PCDHGA1: variants seen among roughly 807,000 people sequenced by gnomAD.
PCDHGA1 encodes protocadherin gamma subfamily A, 1, also known as protocadherin gamma-A1.
PCDHGA1 carries 32 observed loss-of-function variants against 58.0 expected under a neutral mutation model. That is an observed-to-expected ratio of 0.55 (90% confidence interval 0.42 to 0.74). The LOEUF (loss-of-function observed/expected upper bound fraction) is 0.74, where lower values mean the gene tolerates loss of function less well. PCDHGA1 is among the 30% of genes least tolerant of loss of function. The probability of loss-of-function intolerance (pLI) is 0.00; values close to 1 mark genes in which losing one functional copy is unlikely to be tolerated. For missense variants in PCDHGA1, 1,205 were observed against 1,182.3 expected, an observed-to-expected ratio of 1.02 and a Z score of -0.28; for synonymous variants, 498 against 501.1, an observed-to-expected ratio of 0.99 and a Z score of 0.08.
chr5:141,335,572 A>G (rs1379770211), intron 1 of PCDHGA1, among the ~76,000 whole-genome samples: 2 of 152,312 alleles, frequency 1.3e-5, no homozygotes, highest in Admixed American at 1.3e-4. Flanking sequence ...ACCCCACAGG[A>G]AGAAAGTTAG....
Position 141,477,160 on chromosome 5 carries a change from C to A in PCDHGA1, c.2422-17647C>A, listed in dbSNP as rs768436526. The A allele has an allele frequency of 1.9e-5, 31 of 1,614,068 alleles. No homozygotes were observed. The African/African-American group carries it at 3.6e-4, about 19-fold the overall frequency. On this transcript the variant is annotated intron_variant, in intron 1 of 3. Coordinates refer to ENST00000517417, the MANE Select transcript of PCDHGA1 (RefSeq NM_018912.3). This position sits in a 1 kb window ranked among gnomAD's most constrained non-coding sequence, Gnocchi z 4.9. ...TGGAGGTTGTGGATGTGAATGACAA[C>A]GCCCCGGAGATCACAGTCACCTCCG...
At chr5:141,503,023 A>T (rs1163676028) in intron 2 of PCDHGA1, among the ~76,000 whole-genome samples, 1 of 141,884 alleles carries the variant, frequency 7.0e-6, no homozygotes, top group African/African-American at 2.6e-5. Context: ...TTTTTTTTTT[A>T]ATATCTATTT....
rs565872281 is a variant in PCDHGA1, at chr5:141,332,837, G to C, written c.2153G>C (p.Arg718Pro). The change falls in exon 1 of 4, where the codon CGC becomes CCC. Residue 718 changes from arginine to proline, a missense_variant. Transcript: ENST00000517417. The surrounding 1 kb of genome is among the most constrained non-coding windows in gnomAD (Gnocchi z 4.6). ...VIVLLAHRLR[R>P]WHKSRLLQAS... ...GTGCTGCTGGCGCACAGGCTGCGGC[G>C]CTGGCACAAGTCACGTCTGCTACAG... The C allele has an allele frequency of 6.2e-7, 1 of 1,614,218 alleles. No individual in the cohort carries two copies. The highest frequency in any genetic ancestry group is 2.2e-5 in the East Asian group (1 of 44,878).
intron 1 of PCDHGA1, chr5:141,402,966 C>T (rs749578447): frequency 6.2e-7 from 1 of 1,606,060 alleles, no homozygotes; most frequent in Non-Finnish European, 8.5e-7. Flanking sequence ...GCAGCTCCAA[C>T]CAAATGCCAG....
In PCDHGA1 at chr5:141,485,539, G is replaced by T; in HGVS notation, c.2422-9268G>T. 6.2e-7 allele frequency: 1 copy of T among 1,614,104 alleles called. No individual in the cohort carries two copies. Among genetic ancestry groups the T allele is most frequent in the Non-Finnish European group, 8.5e-7 (1 of 1,179,998 alleles). On this transcript the variant is annotated intron_variant, in intron 1 of 3. Coordinates refer to ENST00000517417, the MANE Select transcript of PCDHGA1 (RefSeq NM_018912.3). This position sits in a 1 kb window ranked among gnomAD's most constrained non-coding sequence, Gnocchi z 5.7. ...TGGAAATGTACCGAGCAGAGGTAGA[G>T]ATCGTAGATGTGAATGATCACGCCC...
At chr5:141,345,221 A>C in intron 1 of PCDHGA1, 1 of 1,613,936 alleles carries the variant, frequency 6.2e-7, no homozygotes, top group Non-Finnish European at 8.5e-7. Context: ...AGTTAGAAAA[A>C]TCAATAGATC....
At chr5:141,370,485 G>T (rs905115445) in intron 1 of PCDHGA1, 1 of 1,613,916 alleles carries the variant, frequency 6.2e-7, no homozygotes, top group Admixed American at 1.7e-5. Context: ...GGCTCTCTCC[G>T]AACCGATCCG....
In PCDHGA1 at chr5:141,476,516, G is replaced by T. The variant is rs1042414523; in HGVS notation, c.2422-18291G>T. 1 of 1,614,016 alleles carries T rather than the reference G, an allele frequency of 6.2e-7. No individual in the cohort carries two copies. The highest frequency in any genetic ancestry group is 8.5e-7 in the Non-Finnish European group (1 of 1,180,022). ...CCAGGACATCAACGACAACAATCCT[G>T]CTTTCCCTACCCAGGAAATGAAATT... On this transcript the variant is annotated intron_variant, in intron 1 of 3. Transcript: ENST00000517417. The surrounding 1 kb of genome is among the most constrained non-coding windows in gnomAD (Gnocchi z 7.6).
At chr5:141,506,865 G>T (rs1403350484) in intron 3 of PCDHGA1, among the ~76,000 whole-genome samples, 1 of 152,186 alleles carries the variant, frequency 6.6e-6, no homozygotes, top group African/African-American at 2.4e-5. Flanking sequence ...GGACTGGTGG[G>T]TAGAGAACCA....
chr5:141,448,044 C>T (rs2098559539), intron 1 of PCDHGA1, among the ~76,000 whole-genome samples: 1 of 151,942 alleles, frequency 6.6e-6, no homozygotes, highest in African/African-American at 2.4e-5. Context: ...CAAGATCATG[C>T]CATTGCTCTC....
chr5:141,361,470 C>T, intron 1 of PCDHGA1: 1 of 1,614,060 alleles, frequency 6.2e-7, no homozygotes, highest in Admixed American at 1.7e-5. Flanking sequence ...TCTCCGACGT[C>T]AACGATAATG....
intron 1 of PCDHGA1, chr5:141,478,893 T>G (rs1469313900): frequency 1.8e-6 from 2 of 1,102,894 alleles, no homozygotes; most frequent in Admixed American, 3.1e-5. Flanking sequence ...TCATTTACAT[T>G]AGGAATAAGC....
At chr5:141,394,507 C>T in intron 1 of PCDHGA1, 1 of 1,614,214 alleles carries the variant, frequency 6.2e-7, no homozygotes, top group South Asian at 1.1e-5. Flanking sequence ...ATCCTGTACC[C>T]CGCCCTCCCC....
At chr5:141,338,740 T>G in intron 1 of PCDHGA1, 1 of 1,130,148 alleles carries the variant, frequency 8.8e-7, no homozygotes, top group Non-Finnish European at 1.1e-6. Flanking sequence ...ACCTAAGGAG[T>G]AAAAGGCAGC....
chr5:141,484,334 A>G (rs988395353), intron 1 of PCDHGA1, among the ~76,000 whole-genome samples: 3 of 152,192 alleles, frequency 2.0e-5, no homozygotes, highest in East Asian at 1.9e-4. Context: ...CTTGAAATCA[A>G]TGAATGGTAA....
intron 3 of PCDHGA1, among the ~76,000 whole-genome samples, chr5:141,508,649 C>T (rs1303066200): frequency 6.6e-6 from 1 of 152,126 alleles, no homozygotes; most frequent in Non-Finnish European, 1.5e-5. Flanking sequence ...CCGTCAGGCC[C>T]TTCCTGTCAT....
intron 1 of PCDHGA1, chr5:141,393,919 T>C: frequency 6.2e-7 from 1 of 1,613,992 alleles, no homozygotes; most frequent in Non-Finnish European, 8.5e-7. Flanking sequence ...ATTGCCTTCT[T>C]GAGTGTGCAT....
intron 1 of PCDHGA1, among the ~76,000 whole-genome samples, chr5:141,452,664 T>C (rs557662640): frequency 6.6e-6 from 1 of 151,058 alleles, no homozygotes; most frequent in South Asian, 2.1e-4. Context: ...TCCACTGCAC[T>C]CCAGCCTAGG....
chr5:141,458,619 G>T (rs1393941674), intron 1 of PCDHGA1, among the ~76,000 whole-genome samples: 1 of 152,080 alleles, frequency 6.6e-6, no homozygotes, highest in South Asian at 2.1e-4. Context: ...AGCCAGGCTG[G>T]AGTGCAGTGG....
Sources: gnomAD v4.1 joint callset for allele counts (sites outside exome capture counted in the v4.1 genomes callset) on GRCh38, gnomAD v4.1.1 for gene constraint, Gnocchi (gnomAD v3.1) non-coding constraint, MANE v1.5 for transcripts, NCBI Gene and HGNC (gene_info 2026-07-23, HGNC 2026-07-21) for gene names.